SNX6: variants seen among roughly 807,000 people sequenced by gnomAD.
The protein encoded by SNX6 is sorting nexin 6.
In SNX6, 34 loss-of-function variants were observed where a neutral mutation model predicts 63.0. That is an observed-to-expected ratio of 0.54 (90% confidence interval 0.41 to 0.72). The LOEUF is 0.72. Among genes scored for constraint, SNX6 ranks in the 30% least tolerant of loss-of-function variants. The probability of loss-of-function intolerance (pLI) is 0.00; values close to 1 mark genes in which losing one functional copy is unlikely to be tolerated. For missense variants in SNX6, 398 were observed against 471.4 expected (o/e 0.84, Z 1.44); for synonymous variants, 170 against 164.2 (o/e 1.04, Z -0.27).
At chr14:34,627,056 C>T (rs1883855306) in intron 2 of SNX6, among the ~76,000 whole-genome samples, 1 of 152,118 alleles carries the variant, frequency 6.6e-6, no homozygotes, top group African/African-American at 2.4e-5. Flanking sequence ...ACTCTGTCAC[C>T]CTGGCTCTCT....
At chr14:34,566,150 A>G (rs902944249) in intron 13 of SNX6, among the ~76,000 whole-genome samples, 3 of 152,254 alleles carry the variant, frequency 2.0e-5, no homozygotes, top group Non-Finnish European at 4.4e-5. Flanking sequence ...CAGGCTCAGT[A>G]AGAGTAATAA....
chr14:34,587,710 C>A (rs971050754), intron 8 of SNX6, among the ~76,000 whole-genome samples: 4 of 151,800 alleles, frequency 2.6e-5, no homozygotes, highest in Non-Finnish European at 5.9e-5. Flanking sequence ...CGGCTCACTG[C>A]AGTCTCAAGC....
chr14:34,588,786 G>A (rs907977305), intron 8 of SNX6, among the ~76,000 whole-genome samples: 7 of 152,108 alleles, frequency 4.6e-5, no homozygotes, highest in Admixed American at 1.3e-4. Context: ...CAAAATCCCA[G>A]CAGGCCCTTG....
At chr14:34,566,890 C>T (rs184024488) in intron 13 of SNX6, among the ~76,000 whole-genome samples, 2 of 150,716 alleles carry the variant, frequency 1.3e-5, no homozygotes, top group African/African-American at 4.9e-5. Flanking sequence ...GACAACACAG[C>T]AAGACTCCAG....
intron 11 of SNX6, among the ~76,000 whole-genome samples, chr14:34,572,240 GT>G (rs2138270352): frequency 6.6e-6 from 1 of 152,184 alleles, no homozygotes; most frequent in Non-Finnish European, 1.5e-5. Context: ...ATTTCTTAAA[GT>G]TACTAAGAAA....
chr14:34,599,920 C>T lies in SNX6; in HGVS notation c.517-2275G>A, dbSNP rs550334175. 4.3e-4 allele frequency among the ~76,000 whole-genome samples: 66 copies of T among 152,060 alleles called. 1 individual carries two copies. The South Asian group carries it at 0.013, about 30-fold the overall frequency. The stretch of plus-strand genomic sequence containing the variant: ...TAAAATCTTGAAATTTTTATAACTT[C>T]TTCCTTTCTTCATAGCTCAAATTCT... On this transcript the variant is annotated intron_variant, in intron 6 of 13. Transcript: ENST00000362031.
At chr14:34,574,876 T>C (rs897019330) in intron 11 of SNX6, among the ~76,000 whole-genome samples, 1 of 151,500 alleles carries the variant, frequency 6.6e-6, no homozygotes, top group African/African-American at 2.4e-5. Flanking sequence ...CTTTTTTCTT[T>C]TTCTTTGTTT....
intron 2 of SNX6, among the ~76,000 whole-genome samples, chr14:34,620,316 A>G (rs1167247350): frequency 6.6e-6 from 1 of 152,090 alleles, no homozygotes; most frequent in Non-Finnish European, 1.5e-5. Context: ...TCTTTTTACA[A>G]ATAAATTTTG....
chr14:34,629,804 G>T, intron 2 of SNX6, 103 bp downstream of exon 2: 1 of 1,496,574 alleles, frequency 6.7e-7, no homozygotes, highest in Non-Finnish European at 9.0e-7. Context: ...CTACGGGGAG[G>T]GAGTGCCGCG....
chr14:34,627,015 A>G (rs1883853390), intron 2 of SNX6, among the ~76,000 whole-genome samples: 1 of 152,126 alleles, frequency 6.6e-6, no homozygotes, highest in Non-Finnish European at 1.5e-5. Flanking sequence ...CCGAAATACA[A>G]TTTTAAAAAT....
Position 34,562,432 on chromosome 14 carries a change from C to G in SNX6, c.*690G>C, listed in dbSNP as rs1249772769. 5.2e-5 allele frequency: 8 copies of G among 152,598 alleles called. No individual in the cohort carries two copies. The highest frequency in any genetic ancestry group is 1.9e-4 in the African/African-American group (8 of 41,450). 9.5% of individuals were successfully genotyped at this position (152,598 alleles called of 1,614,324 possible). A position where few individuals can be genotyped will look rare whatever the true frequency, so the allele number is the denominator to read the frequency against. On this transcript the variant is annotated 3_prime_UTR_variant, in exon 14 of 14. Coordinates refer to ENST00000362031, the MANE Select transcript of SNX6 (RefSeq NM_152233.4). ...GCATAATACAGGAGTAGATTTATTACAGCTACTCCACATTTTCCAGAGTGA... is the reference window on the plus strand; with the variant it reads ...GCATAATACAGGAGTAGATTTATTAGAGCTACTCCACATTTTCCAGAGTGA...
At chr14:34,604,379 A>T (rs1424471073) in intron 5 of SNX6, 2 of 931,316 alleles carry the variant, frequency 2.1e-6, no homozygotes, top group Non-Finnish European at 2.7e-6. Context: ...CTTTGAATAT[A>T]TATCTGTCTG....
intron 8 of SNX6, among the ~76,000 whole-genome samples, chr14:34,590,103 T>TCAA (rs1012243350): frequency 1.3e-5 from 2 of 151,682 alleles, no homozygotes; most frequent in Admixed American, 6.6e-5. Context: ...AGACCCTGTC[T>TCAA]CAACAACAAC....
At chr14:34,583,048 T>G (rs954329957) in intron 9 of SNX6, among the ~76,000 whole-genome samples, 1 of 150,160 alleles carries the variant, frequency 6.7e-6, no homozygotes, top group Non-Finnish European at 1.5e-5. Context: ...GGCTCATGCC[T>G]GTAATCCCAG....
chr14:34,590,740 G>A (rs976456181), intron 8 of SNX6, among the ~76,000 whole-genome samples: 2 of 152,100 alleles, frequency 1.3e-5, no homozygotes, highest in Admixed American at 6.6e-5. Context: ...CATGACTCAG[G>A]CATTCTACTT....
chr14:34,620,753 C>T (rs977510719), intron 2 of SNX6, among the ~76,000 whole-genome samples: 3 of 151,986 alleles, frequency 2.0e-5, no homozygotes, highest in African/African-American at 7.2e-5. Context: ...CCAGCCTGGG[C>T]AACATAGCGA....
intron 8 of SNX6, among the ~76,000 whole-genome samples, chr14:34,586,643 G>A (rs577460968): frequency 6.6e-6 from 1 of 152,074 alleles, no homozygotes; most frequent in Non-Finnish European, 1.5e-5. Context: ...AGGACACAGA[G>A]GTTGCAGTGA....
At chr14:34,595,263 G>A (rs1027621781) in intron 7 of SNX6, among the ~76,000 whole-genome samples, 3 of 151,984 alleles carry the variant, frequency 2.0e-5, no homozygotes, top group South Asian at 2.1e-4. Flanking sequence ...AAAGCCTCCC[G>A]AGTAGCTGGG....
chr14:34,615,511 C>T (rs1244716046), intron 2 of SNX6, among the ~76,000 whole-genome samples: 2 of 151,562 alleles, frequency 1.3e-5, no homozygotes, highest in African/African-American at 2.4e-5. Flanking sequence ...CGTAAGCCAC[C>T]GCACCTGGCT....
Sources: allele counts gnomAD v4.1 joint callset (sites outside exome capture counted in the v4.1 genomes callset), GRCh38; gene constraint gnomAD v4.1.1; transcripts MANE v1.5; gene names NCBI Gene and HGNC (gene_info 2026-07-23, HGNC 2026-07-21).